Variants in MEGF9 observed in about 807,000 individuals in gnomAD.
MEGF9 encodes multiple epidermal growth factor-like domains protein 9.
A neutral mutation model predicts 46.8 loss-of-function variants in MEGF9; 6 were observed. The ratio of observed to expected loss-of-function variants is 0.13; its 90% CI spans 0.07 to 0.25. The LOEUF (loss-of-function observed/expected upper bound fraction) is 0.25. Among genes scored for constraint, MEGF9 ranks in the 10% least tolerant of loss-of-function variants. The pLI, the probability that MEGF9 is intolerant of heterozygous loss-of-function variation, is 1.00. For synonymous variants in MEGF9, 302 were observed against 330.7 expected (o/e 0.91, Z 0.94); for missense variants, 683 against 792.4 (o/e 0.86, Z 1.66).
intron 1 of MEGF9, among the ~76,000 whole-genome samples, chr9:120,673,548 G>A (rs1296763612): frequency 2.0e-5 from 3 of 147,820 alleles, no homozygotes; most frequent in Non-Finnish European, 4.5e-5. Context: ...TTTAATTTTT[G>A]ACAAGATGAA....
chr9:120,682,450 T>C (rs1216901762), intron 1 of MEGF9, among the ~76,000 whole-genome samples: 4 of 152,130 alleles, frequency 2.6e-5, no homozygotes, highest in Non-Finnish European at 4.4e-5. Context: ...AAAGGAAAGG[T>C]CAGTTTAAAA....
chr9:120,689,981 G>A, intron 1 of MEGF9: 1 of 531,506 alleles, frequency 1.9e-6, no homozygotes, highest in Non-Finnish European at 3.9e-6. Flanking sequence ...TAAGAGGCAA[G>A]TACTTGCTTT....
chr9:120,663,747 A>C (rs185244502), intron 1 of MEGF9, among the ~76,000 whole-genome samples: 15 of 152,268 alleles, frequency 9.9e-5, no homozygotes, highest in Admixed American at 3.3e-4. Flanking sequence ...TATGGAATAA[A>C]CTCTTTATCG....
chr9:120,637,740 G>A (rs1382766369), intron 2 of MEGF9, among the ~76,000 whole-genome samples: 10 of 122,628 alleles, frequency 8.2e-5, no homozygotes, highest in African/African-American at 2.2e-4. Context: ...GCAGTGAGCC[G>A]AGATCGCACC....
In MEGF9 at chr9:120,607,891, G is replaced by C. The variant is rs1030167439; in HGVS notation, c.1207C>G (p.His403Asp). ...FDSICRKCQCHGHVDPVKTPK... is the reference protein window; with the variant it reads ...FDSICRKCQCDGHVDPVKTPK... ...GTTTTAACTGGGTCCACATGGCCGTGACATTGGCACTTTCTACAGATGCTG... is the reference window on the plus strand; with the variant it reads ...GTTTTAACTGGGTCCACATGGCCGTCACATTGGCACTTTCTACAGATGCTG... Residue 403 changes from histidine (H) to aspartate (D), a missense_variant, in exon 5 of 6, where the codon CAC becomes GAC. By Grantham distance (81) the His-to-Asp change is moderately conservative. This residue lies in a region of MEGF9 where 313 missense variants were observed against 421.1 expected (regional missense o/e 0.74). Transcript: ENST00000373930. 1.9e-6 allele frequency: 3 copies of C among 1,613,962 alleles called. No individual in the cohort carries two copies. Among genetic ancestry groups the C allele is most frequent in the Non-Finnish European group, 2.5e-6 (3 of 1,179,880 alleles).
intron 1 of MEGF9, among the ~76,000 whole-genome samples, chr9:120,699,628 T>C (rs754597434): frequency 1.9e-4 from 29 of 149,242 alleles, no homozygotes; most frequent in South Asian, 4.2e-4. Context: ...GAGGCTGATA[T>C]GGGAGGATCA....
intron 3 of MEGF9, among the ~76,000 whole-genome samples, chr9:120,621,337 C>T (rs2043498502): frequency 6.6e-6 from 1 of 152,172 alleles, no homozygotes; most frequent in Non-Finnish European, 1.5e-5. Context: ...CCCACATCTT[C>T]CCTGCTCTGT....
At position 120,605,425 on chromosome 9, in the gene MEGF9, A is replaced by G. The variant is rs1403417658; in HGVS notation, c.1574T>C (p.Val525Ala). 1 of 1,614,052 alleles carries G rather than the reference A, an allele frequency of 6.2e-7. No homozygotes were observed. The highest frequency in any genetic ancestry group is 8.5e-7 in the Non-Finnish European group (1 of 1,179,904). Residue 525 changes from valine to alanine, a missense_variant, in exon 6 of 6, where the codon GTG becomes GCG. Around this residue, in one of 2 missense-constraint regions of MEGF9, gnomAD observed 313 missense variants for 421.1 expected, o/e 0.74. Transcript: ENST00000373930. This position sits in a 1 kb window ranked among gnomAD's most constrained non-coding sequence, Gnocchi z 4.0. ...IIILTVIIIVVVLLMGFVGAV... is the reference protein window; with the variant it reads ...IIILTVIIIVAVLLMGFVGAV... ...CCCCACAAATCCCATTAGCAGCACC[A>G]CAACAATGATGATGACTGTCAAAAT...
At chr9:120,625,748 C>T (rs1587976999) in intron 2 of MEGF9, among the ~76,000 whole-genome samples, 1 of 148,120 alleles carries the variant, frequency 6.8e-6, no homozygotes, top group Admixed American at 6.9e-5. Context: ...GCAGGAGAAT[C>T]GCTTGAACCT....
intron 1 of MEGF9, among the ~76,000 whole-genome samples, chr9:120,695,519 G>T (rs144779925): frequency 1.4e-5 from 2 of 144,534 alleles, no homozygotes; most frequent in East Asian, 2.0e-4. Flanking sequence ...CAGGAGAATC[G>T]CTTGAATCTG....
chr9:120,655,771 C>A (rs1181002200), intron 2 of MEGF9, among the ~76,000 whole-genome samples: 1 of 152,190 alleles, frequency 6.6e-6, no homozygotes, highest in African/African-American at 2.4e-5. Flanking sequence ...AACATCACTT[C>A]CTGAGCAAAA....
chr9:120,613,902 T>C lies in MEGF9; in HGVS notation c.944-1363A>G, dbSNP rs193173366. Among the ~76,000 whole-genome samples, 547 of 152,318 alleles carry C rather than the reference T, an allele frequency of 3.6e-3. 2 individuals carry two copies. Among genetic ancestry groups the C allele is most frequent in the Non-Finnish European group, 6.3e-3 (428 of 68,028 alleles). ...TTTCTTTTCCTTACTAGCAGAAATA[T>C]TTTTAAAAGGGGAGAGAGAATAAGG... On this transcript the variant is annotated intron_variant, in intron 3 of 5. Transcript: ENST00000373930.
chr9:120,667,592 A>C (rs942048615), intron 1 of MEGF9, among the ~76,000 whole-genome samples: 1 of 152,180 alleles, frequency 6.6e-6, no homozygotes, highest in African/African-American at 2.4e-5. Context: ...AACTTCACCC[A>C]TTTTCACAAG....
chr9:120,674,804 A>C (rs1425118284), intron 1 of MEGF9, among the ~76,000 whole-genome samples: 1 of 151,996 alleles, frequency 6.6e-6, no homozygotes, highest in Non-Finnish European at 1.5e-5. Context: ...TCATGGCCTC[A>C]AGTGATCCTC....
intron 1 of MEGF9, chr9:120,690,074 C>G (rs1423253404): frequency 2.4e-5 from 11 of 464,750 alleles, no homozygotes; most frequent in Non-Finnish European, 4.5e-6. Context: ...AGAAGGAGTT[C>G]ACGCTGGGCT....
intron 1 of MEGF9, chr9:120,691,334 G>A: frequency 2.8e-6 from 1 of 359,356 alleles, no homozygotes; most frequent in Admixed American, 4.2e-5. Flanking sequence ...ATATGAGAAA[G>A]GTCATAACCC....
Position 120,714,454 on chromosome 9 carries a change from C to T in MEGF9, c.-96G>A, listed in dbSNP as rs571765158. 1.1e-4 allele frequency: 116 copies of T among 1,067,472 alleles called. 1 individual carries two copies. The South Asian group carries it at 2.4e-3, about 22-fold the overall frequency. The allele number at this position is 1,067,472 out of a possible 1,614,324, so 66.1% of individuals were successfully genotyped here. A position where few individuals can be genotyped will look rare whatever the true frequency, so the allele number is the denominator to read the frequency against. On this transcript the variant is annotated 5_prime_UTR_variant, in exon 1 of 6. An upstream start codon of the reference 5' UTR is lost. Coordinates refer to ENST00000373930, the MANE Select transcript of MEGF9 (RefSeq NM_001080497.3). ...CCGCCGCCACCGCCACCGGGCGCACCATCGCCACCTCCCTCTGACAGGCGG... is the reference window on the plus strand; with the variant it reads ...CCGCCGCCACCGCCACCGGGCGCACTATCGCCACCTCCCTCTGACAGGCGG...
chr9:120,659,315 G>A, intron 2 of MEGF9, 59 bp downstream of exon 2: 1 of 1,464,720 alleles, frequency 6.8e-7, no homozygotes, highest in Non-Finnish European at 9.4e-7. Context: ...GAGAGTAGCA[G>A]CCTTTTTTTT....
At chr9:120,669,621 TA>T (rs148033397) in intron 1 of MEGF9, among the ~76,000 whole-genome samples, 260 of 150,480 alleles carry the variant, frequency 1.7e-3, no homozygotes, top group African/African-American at 6.0e-3. Context: ...GGTCACTACA[TA>T]AAAAAATGTA....
Sources: allele counts gnomAD v4.1 joint callset (sites outside exome capture counted in the v4.1 genomes callset), GRCh38; gene constraint gnomAD v4.1.1; regional missense constraint gnomAD v4.1.1; non-coding constraint Gnocchi (gnomAD v3.1); transcripts MANE v1.5; gene names NCBI Gene and HGNC (gene_info 2026-07-23, HGNC 2026-07-21).